Variants in PPAN observed in about 807,000 individuals in gnomAD.
The protein encoded by PPAN is peter pan homolog.
In PPAN, 39 loss-of-function variants were observed where a neutral mutation model predicts 48.5. The ratio of observed to expected loss-of-function variants is 0.80; its 90% CI spans 0.62 to 1.05. The LOEUF is 1.05. Among genes scored for constraint, PPAN ranks in the 50% least tolerant of loss-of-function variants. The pLI is 0.00. For synonymous variants in PPAN, 315 were observed against 268.6 expected (o/e 1.17, Z -1.69); for missense variants, 736 against 661.7 (o/e 1.11, Z -1.23).
intron 3 of PPAN, 29 bp from the exon 4 acceptor site, chr19:10,107,775 A>T (rs1449810411): frequency 5.0e-6 from 8 of 1,613,616 alleles, no homozygotes; most frequent in Non-Finnish European, 6.8e-6. Flanking sequence ...AGACCCCTCC[A>T]GAGTCACTGA....
rs1599315445 is a variant in PPAN, at chr19:10,111,622, C to T, written c.*457C>T. 8 of 1,494,756 alleles carry T rather than the reference C, an allele frequency of 5.4e-6. No homozygotes were observed. The East Asian group carries it at 1.6e-4, about 30-fold the overall frequency. 92.6% of individuals were successfully genotyped at this position (1,494,756 alleles called of 1,614,324 possible). On this transcript the variant is annotated 3_prime_UTR_variant, in exon 12 of 12. Coordinates refer to ENST00000253107, the MANE Select transcript of PPAN (RefSeq NM_020230.7). Reference sequence around the variant, plus strand: ...CCTGCTCTGCTGGCTGGGCCAGTAACTGGGGATGGGGCTGGGGCAGGGCCC... The same window carrying T: ...CCTGCTCTGCTGGCTGGGCCAGTAATTGGGGATGGGGCTGGGGCAGGGCCC...
Position 10,109,613 on chromosome 19 carries a change from C to T in PPAN, c.514-18C>T. The T allele has an allele frequency of 6.2e-7, 1 of 1,609,776 alleles. No individual in the cohort carries two copies. Among genetic ancestry groups the T allele is most frequent in the Non-Finnish European group, 8.5e-7 (1 of 1,177,786 alleles). On this transcript the variant is annotated intron_variant, in intron 5 of 11. Transcript: ENST00000253107. ...TGCCATGAGTCTACTGGACTATGCT[C>T]TCTTCCTCCCCTTCCAGGTGAACCT...
intron 5 of PPAN, 35 bp from the exon 6 acceptor site, chr19:10,109,596 G>A (rs1048525699): frequency 1.3e-6 from 2 of 1,592,456 alleles, no homozygotes; most frequent in African/African-American, 2.7e-5. Context: ...TTTGCCATGA[G>A]TCTACTGGAC....
intron 5 of PPAN, 23 bp downstream of exon 5, chr19:10,108,157 G>A (rs2088902786): frequency 5.0e-6 from 8 of 1,594,966 alleles, no homozygotes; most frequent in Middle Eastern, 1.7e-4. Flanking sequence ...TGGCGAGGTG[G>A]CAGGTATGGG....
Position 10,111,065 on chromosome 19 carries a change from A to G in PPAN, c.1322A>G (p.Asp441Gly). The stretch of plus-strand genomic sequence containing the variant: ...GACCAGAAGTTTCCCAAGACCAAGG[A>G]CAAGTCCCAGGGAGCCCAGGCCAGG... ...LCDQKFPKTK[D>G]KSQGAQARRG... The change falls in exon 12 of 12, where the codon GAC (aspartate) becomes GGC (glycine). Residue 441 changes from aspartate to glycine, a missense_variant. Coordinates refer to ENST00000253107, the MANE Select transcript of PPAN (RefSeq NM_020230.7). 6.2e-7 allele frequency: 1 copy of G among 1,613,504 alleles called. No individual in the cohort carries two copies. The highest frequency in any genetic ancestry group is 1.1e-5 in the South Asian group (1 of 91,076).
At chr19:10,109,119 A>C (rs2088949143) in intron 5 of PPAN, among the ~76,000 whole-genome samples, 1 of 151,522 alleles carries the variant, frequency 6.6e-6, no homozygotes, top group South Asian at 2.1e-4. Context: ...CCGCCACCAC[A>C]CCCCGGCTAA....
chr19:10,109,747 G>A (rs747127600), intron 6 of PPAN, 40 bp downstream of exon 6: 2 of 1,605,202 alleles, frequency 1.2e-6, no homozygotes, highest in African/African-American at 2.7e-5. Context: ...GGGGTGCCGG[G>A]TGGGGGCCTC....
intron 5 of PPAN, among the ~76,000 whole-genome samples, chr19:10,108,336 G>A (rs764331518): frequency 1.1e-3 from 168 of 152,146 alleles, no homozygotes; most frequent in Non-Finnish European, 2.0e-3. Context: ...TCCACACCCC[G>A]TGAGCTGCAC....
Position 10,108,091 on chromosome 19 carries a change from C to T in PPAN, c.470C>T (p.Ala157Val). 1 of 1,613,676 alleles carries T rather than the reference C, an allele frequency of 6.2e-7. No individual in the cohort carries two copies. Residue 157 changes from alanine (A) to valine (V), a missense_variant, in exon 5 of 12, where the codon GCC (alanine) becomes GTC (valine). Physicochemically the swap from Ala to Val is moderately conservative, Grantham distance 64 (BLOSUM62 0). Transcript: ENST00000253107. The stretch of plus-strand genomic sequence containing the variant: ...CATGGTATGCATGTGAAGCTCATGG[C>T]CACCATGTTCCAGAACCTGTTCCCC... ...GPHGMHVKLMATMFQNLFPSI... is the reference protein window; with the variant it reads ...GPHGMHVKLMVTMFQNLFPSI...
At chr19:10,107,061 C>T (rs2088855892) in intron 2 of PPAN, 1 of 486,742 alleles carries the variant, frequency 2.1e-6, no homozygotes, top group Admixed American at 2.5e-5. Context: ...GTGTTGCGTG[C>T]CTGTAGTCCC....
chr19:10,109,885 C>G (rs1403215171), intron 6 of PPAN, 28 bp from the exon 7 acceptor site: 1 of 1,612,250 alleles, frequency 6.2e-7, no homozygotes, highest in Non-Finnish European at 8.5e-7. Flanking sequence ...CCTGACCACC[C>G]CCTTGCCGTC....
chr19:10,109,434 G>A (rs1048267682), intron 5 of PPAN, among the ~76,000 whole-genome samples, 197 bp from the exon 6 acceptor site: 26 of 152,084 alleles, frequency 1.7e-4, no homozygotes, highest in African/African-American at 6.3e-4. Flanking sequence ...GTGTTGCCCA[G>A]GCTGGTTTTG....
Position 10,110,939 on chromosome 19 carries a change from C to G in PPAN, c.1202-6C>G, listed in dbSNP as rs1337588944. Reference sequence around the variant, plus strand: ...CTGGGGGCCCTGACACTGTCTCTCCCCACAGACCTGTTCCCCGAGGCCAAG... The same window carrying G: ...CTGGGGGCCCTGACACTGTCTCTCCGCACAGACCTGTTCCCCGAGGCCAAG... On this transcript the variant is annotated splice_region_variant and splice_polypyrimidine_tract_variant and intron_variant, in intron 11 of 11. Transcript: ENST00000253107. The surrounding 1 kb of genome is among the most constrained non-coding windows in gnomAD (Gnocchi z 5.9). 12 of 1,613,300 alleles carry G rather than the reference C, an allele frequency of 7.4e-6. No individual in the cohort carries two copies. Among genetic ancestry groups the G allele is most frequent in the Non-Finnish European group, 1.0e-5 (12 of 1,179,926 alleles).
chr19:10,110,104 T>C lies in PPAN; in HGVS notation c.699-19T>C, dbSNP rs757379839. ...GAGCCTGAGCTCCCCCACTGAGCCC[T>C]GTTATGTCCTACACACAGGGGCGCG... On this transcript the variant is annotated intron_variant, in intron 7 of 11. Transcript: ENST00000253107. The surrounding 1 kb of genome is among the most constrained non-coding windows in gnomAD (Gnocchi z 5.9). 32 of 1,610,470 alleles carry C rather than the reference T, an allele frequency of 2.0e-5. No individual in the cohort carries two copies. The highest frequency in any genetic ancestry group is 1.6e-4 in the Middle Eastern group (1 of 6,082).
chr19:10,106,271 A>G, upstream of PPAN: 3 of 1,476,780 alleles, frequency 2.0e-6, no homozygotes, highest in Non-Finnish European at 1.8e-6. Context: ...CCGCTCCCAG[A>G]GGCCACCTAG....
chr19:10,106,836 C>G (rs1336589069), intron 2 of PPAN, 165 bp downstream of exon 2: 3 of 1,171,396 alleles, frequency 2.6e-6, no homozygotes, highest in Non-Finnish European at 3.5e-6. Flanking sequence ...TTTTGCTGGG[C>G]TGGAGTGAGG....
At chr19:10,109,176 G>A (rs1026588260) in intron 5 of PPAN, among the ~76,000 whole-genome samples, 4 of 151,906 alleles carry the variant, frequency 2.6e-5, no homozygotes, top group South Asian at 4.1e-4. Context: ...GTTAGCCAGG[G>A]TGGTCTTGAT....
chr19:10,111,862 A>G lies in PPAN; in HGVS notation c.*697A>G, dbSNP rs367767596. ...CACGGTGGCTCACGCCTGTAATCCC[A>G]GCACTTTGGGAGGTCGAGGGGGGTG... On this transcript the variant is annotated 3_prime_UTR_variant, in exon 12 of 12. Coordinates refer to ENST00000253107, the MANE Select transcript of PPAN (RefSeq NM_020230.7). 16 of 1,203,960 alleles carry G rather than the reference A, an allele frequency of 1.3e-5. No homozygotes were observed. The highest frequency in any genetic ancestry group is 1.0e-4 in the African/African-American group (7 of 66,894). 74.6% of individuals were successfully genotyped at this position (1,203,960 alleles called of 1,614,324 possible).
At position 10,110,691 on chromosome 19, in the gene PPAN, C is replaced by T. The variant is rs2145209483; in HGVS notation, c.1032-6C>T. The T allele has an allele frequency of 6.2e-7, 1 of 1,613,302 alleles. No homozygotes were observed. Among genetic ancestry groups the T allele is most frequent in the Non-Finnish European group, 8.5e-7 (1 of 1,179,720 alleles). On this transcript the variant is annotated splice_region_variant and splice_polypyrimidine_tract_variant and intron_variant, in intron 10 of 11. Coordinates refer to ENST00000253107, the MANE Select transcript of PPAN (RefSeq NM_020230.7). The surrounding 1 kb of genome is among the most constrained non-coding windows in gnomAD (Gnocchi z 5.9). ...CGGCTATGTTGACCCCCACGCCCTC[C>T]TCCAGAAAGAAGAGCCTGGAGGGCA... is the stretch of plus-strand genomic sequence containing the variant.
Sources: allele counts gnomAD v4.1 joint callset (sites outside exome capture counted in the v4.1 genomes callset), GRCh38; gene constraint gnomAD v4.1.1; non-coding constraint Gnocchi (gnomAD v3.1); transcripts MANE v1.5; gene names NCBI Gene and HGNC (gene_info 2026-07-23, HGNC 2026-07-21).